Variants in CLEC17A observed in about 807,000 individuals in gnomAD.
CLEC17A encodes C-type lectin domain family 17, member A.
A neutral mutation model predicts 61.3 loss-of-function variants in CLEC17A; 37 were observed. That is an observed-to-expected ratio of 0.60 (90% CI 0.46 to 0.79). The LOEUF is 0.79. CLEC17A is among the 30% of genes least tolerant of loss of function. The pLI is 0.00. For missense variants in CLEC17A, 418 were observed against 464.7 expected, an observed-to-expected ratio of 0.90 and a Z score of 0.92; for synonymous variants, 168 against 164.9, an observed-to-expected ratio of 1.02 and a Z score of -0.14.
At chr19:14,593,940 A>G (rs1368349472) in intron 4 of CLEC17A, among the ~76,000 whole-genome samples, 1 of 150,046 alleles carries the variant, frequency 6.7e-6, no homozygotes, top group African/African-American at 2.5e-5. Flanking sequence ...CCAGCCTGGG[A>G]GACAGAGAGA....
chr19:14,597,237 C>T, intron 10 of CLEC17A, 76 bp downstream of exon 10: 1 of 1,317,790 alleles, frequency 7.6e-7, no homozygotes, highest in Non-Finnish European at 1.1e-6. Context: ...CTCCAAGATC[C>T]AACCTCATCC....
intron 13 of CLEC17A, among the ~76,000 whole-genome samples, chr19:14,609,683 T>C (rs1341306756): frequency 1.3e-5 from 2 of 151,612 alleles, no homozygotes; most frequent in African/African-American, 4.8e-5. Flanking sequence ...ACTAAAAATA[T>C]AAAAACTAGC....
chr19:14,607,964 A>C (rs182606593), intron 13 of CLEC17A, among the ~76,000 whole-genome samples: 11 of 152,066 alleles, frequency 7.2e-5, no homozygotes, highest in Middle Eastern at 3.4e-3. Context: ...TCAACCTCCC[A>C]GGCTCTGGTA....
chr19:14,595,466 C>T (rs74182231), intron 8 of CLEC17A, among the ~76,000 whole-genome samples, 151 bp downstream of exon 8: 18,236 of 152,218 alleles, frequency 0.12, 1,249 homozygotes, highest in African/African-American at 0.18. Flanking sequence ...GTCTAGTGAG[C>T]GCTGCTCTAA....
chr19:14,586,404 A>G (rs2074281505), intron 2 of CLEC17A, among the ~76,000 whole-genome samples: 2 of 151,988 alleles, frequency 1.3e-5, no homozygotes, highest in African/African-American at 4.8e-5. Context: ...GATTACAGGC[A>G]CGAGCCACCA....
chr19:14,583,319 G>A (rs781436451), intron 1 of CLEC17A, 38 bp from the exon 2 acceptor site: 12 of 1,606,744 alleles, frequency 7.5e-6, no homozygotes, highest in South Asian at 1.1e-5. Flanking sequence ...GGAGGGAGGA[G>A]GGAATGGCTG....
chr19:14,587,754 T>C, intron 3 of CLEC17A, 63 bp downstream of exon 3: 1 of 1,601,194 alleles, frequency 6.2e-7, no homozygotes, highest in Non-Finnish European at 8.5e-7. Flanking sequence ...CAGTGGGCAT[T>C]GGTTGGGCAT....
chr19:14,606,656 G>A (rs1214211231), intron 12 of CLEC17A, among the ~76,000 whole-genome samples: 1 of 150,936 alleles, frequency 6.6e-6, no homozygotes, highest in Admixed American at 6.6e-5. Context: ...CTCCAGCCTG[G>A]GTGACAGAGC....
At chr19:14,583,781 C>G (rs145617688) in intron 2 of CLEC17A, among the ~76,000 whole-genome samples, 1 of 152,188 alleles carries the variant, frequency 6.6e-6, no homozygotes, top group African/African-American at 2.4e-5. Flanking sequence ...TGCAAAGTCT[C>G]TGAGTTACAA....
intron 10 of CLEC17A, among the ~76,000 whole-genome samples, chr19:14,598,304 T>TTCTTTCTCTCTCTCTC (rs1555746763): frequency 6.7e-5 from 10 of 149,218 alleles, no homozygotes; most frequent in African/African-American, 2.5e-4. Flanking sequence ...TGTTCTTTCT[T>TTCTTTCTCTCTCTCTC]TCTCTCTCTC....
chr19:14,584,351 A>T (rs1244928543), intron 2 of CLEC17A: 4 of 152,124 alleles, frequency 2.6e-5, no homozygotes, highest in Non-Finnish European at 5.9e-5. Context: ...TCCTGTGAGT[A>T]GCCGCTGCAC....
At chr19:14,602,093 A>G (rs973009011) in intron 12 of CLEC17A, among the ~76,000 whole-genome samples, 1 of 152,024 alleles carries the variant, frequency 6.6e-6, no homozygotes, top group Non-Finnish European at 1.5e-5. Flanking sequence ...CGCCTGGCCC[A>G]GCAAATTATT....
In CLEC17A at chr19:14,588,036, C is replaced by T. The variant is rs2074327120; in HGVS notation, c.199+345C>T. Among the ~76,000 whole-genome samples, 3 of 152,082 alleles carry T rather than the reference C, an allele frequency of 2.0e-5. No homozygotes were observed. In the South Asian group the frequency reaches 6.2e-4, roughly 32 times the overall value. ...AGGAGAGAACTGTTAGGTGCAAAGT[C>T]CCTGAGTTACAAAAGCTGGTGCTTG... On this transcript the variant is annotated intron_variant, in intron 3 of 13. Coordinates refer to ENST00000417570, the MANE Select transcript of CLEC17A (RefSeq NM_001204118.2).
intron 3 of CLEC17A, among the ~76,000 whole-genome samples, chr19:14,590,508 T>C (rs71334715): frequency 4.1e-4 from 63 of 151,812 alleles, no homozygotes; most frequent in Middle Eastern, 3.4e-3. Flanking sequence ...CCTGACTCAG[T>C]CTCCCTGGCA....
intron 12 of CLEC17A, among the ~76,000 whole-genome samples, chr19:14,605,809 G>A (rs2074850796): frequency 1.3e-5 from 2 of 152,088 alleles, no homozygotes; most frequent in Non-Finnish European, 2.9e-5. Flanking sequence ...TGCATTCATA[G>A]CTCACTGCAG....
At chr19:14,604,720 A>G (rs1463692785) in intron 12 of CLEC17A, among the ~76,000 whole-genome samples, 1 of 152,030 alleles carries the variant, frequency 6.6e-6, no homozygotes, top group African/African-American at 2.4e-5. Flanking sequence ...CTGGGATCAC[A>G]CCACTGCATT....
intron 13 of CLEC17A, among the ~76,000 whole-genome samples, chr19:14,607,695 G>A (rs2074934636): frequency 6.6e-6 from 1 of 151,596 alleles, no homozygotes; most frequent in Admixed American, 6.6e-5. Flanking sequence ...TTCCACCTTA[G>A]TCTCCCAAGT....
upstream of CLEC17A, among the ~76,000 whole-genome samples, chr19:14,582,857 C>T (rs546702873): frequency 6.6e-6 from 1 of 152,184 alleles, no homozygotes; most frequent in African/African-American, 2.4e-5. Context: ...ATCCATCCAC[C>T]TCAGCCTCTA....
At chr19:14,602,199 TG>T (rs1054028758) in intron 12 of CLEC17A, among the ~76,000 whole-genome samples, 12 of 151,814 alleles carry the variant, frequency 7.9e-5, no homozygotes, top group Non-Finnish European at 1.6e-4. Flanking sequence ...ATATTTAAAA[TG>T]TTTTTTTTTT....
Sources: allele counts gnomAD v4.1 joint callset (sites outside exome capture counted in the v4.1 genomes callset), GRCh38; gene constraint gnomAD v4.1.1; transcripts MANE v1.5; gene names NCBI Gene and HGNC (gene_info 2026-07-23, HGNC 2026-07-21).